SLC36A4: variants seen among roughly 807,000 people sequenced by gnomAD.
SLC36A4 encodes solute carrier family 36 member 4.
Under a neutral mutation model 50.5 loss-of-function variants are expected in SLC36A4, and 49 were observed. The ratio of observed to expected loss-of-function variants is 0.97; its 90% confidence interval spans 0.77 to 1.23. The LOEUF is 1.23. Ranked by LOEUF, SLC36A4 falls within the 50% of genes most tolerant of loss-of-function variation. SLC36A4 has a pLI of 0.00. For synonymous variants in SLC36A4, 207 were observed against 206.5 expected, an observed-to-expected ratio of 1.00 and a Z score of -0.02; for missense variants, 611 against 608.4, an observed-to-expected ratio of 1.00 and a Z score of -0.05.
intron 10 of SLC36A4, 63 bp from the exon 11 acceptor site, chr11:93,148,907 C>T: frequency 7.3e-7 from 1 of 1,377,808 alleles, no homozygotes; most frequent in Non-Finnish European, 1.0e-6. Context: ...TGAATATTAA[C>T]AGTAAGTATT....
intron 7 of SLC36A4, chr11:93,167,286 T>C (rs1860915454): frequency 6.6e-6 from 1 of 152,140 alleles, no homozygotes; most frequent in African/African-American, 2.4e-5. Flanking sequence ...TCAACCTTTT[T>C]TGTGTCTTTG....
chr11:93,158,355 C>A (rs1366075185), intron 9 of SLC36A4, among the ~76,000 whole-genome samples: 1 of 151,956 alleles, frequency 6.6e-6, no homozygotes, highest in Non-Finnish European at 1.5e-5. Context: ...ATATATTTAA[C>A]ATTTTTTAAA....
intron 8 of SLC36A4, among the ~76,000 whole-genome samples, chr11:93,164,563 C>T (rs1024219268): frequency 3.9e-4 from 60 of 152,004 alleles, no homozygotes; most frequent in African/African-American, 1.4e-3. Flanking sequence ...TCAGTCAGTT[C>T]CATATGGAAA....
At chr11:93,188,313 C>T (rs1862075846) in intron 1 of SLC36A4, among the ~76,000 whole-genome samples, 1 of 152,196 alleles carries the variant, frequency 6.6e-6, no homozygotes, top group Non-Finnish European at 1.5e-5. Flanking sequence ...TCAGCATATT[C>T]ATTCTTAATA....
At chr11:93,174,528 T>C (rs1861355840) in intron 6 of SLC36A4, among the ~76,000 whole-genome samples, 2 of 149,086 alleles carry the variant, frequency 1.3e-5, no homozygotes, top group Non-Finnish European at 3.0e-5. Flanking sequence ...CTTGTGCCAG[T>C]TTTCAAAGGG....
chr11:93,186,652 T>C (rs1386927514), intron 1 of SLC36A4, among the ~76,000 whole-genome samples: 2 of 152,244 alleles, frequency 1.3e-5, no homozygotes, highest in Non-Finnish European at 2.9e-5. Context: ...TGTTTAGTTG[T>C]ATTCTTTCTA....
Position 93,181,369 on chromosome 11 carries a change from C to T in SLC36A4, c.455+322G>A, listed in dbSNP as rs77180124. 9.7e-3 allele frequency among the ~76,000 whole-genome samples: 1,470 copies of T among 152,070 alleles called. 16 individuals carry two copies. The highest frequency in any genetic ancestry group is 0.037 in the South Asian group (176 of 4,818). On this transcript the variant is annotated intron_variant, in intron 5 of 10. Coordinates refer to ENST00000326402, the MANE Select transcript of SLC36A4 (RefSeq NM_152313.4). ...CCTTTATTTAAAAAATTAATGAACA[C>T]GATTATGTCATCATTTGACCAGGTC...
intron 6 of SLC36A4, chr11:93,180,093 A>C: frequency 4.2e-6 from 4 of 951,872 alleles, no homozygotes; most frequent in Non-Finnish European, 5.0e-6. Flanking sequence ...TGTTTACTGT[A>C]CCATGGACAT....
At chr11:93,160,465 T>A in intron 9 of SLC36A4, 1 of 985,360 alleles carries the variant, frequency 1.0e-6, no homozygotes, top group Non-Finnish European at 1.2e-6. Flanking sequence ...TCCATTCTAA[T>A]TGGAAAGTCA....
chr11:93,171,691 C>A (rs1861142292), intron 6 of SLC36A4: 1 of 151,940 alleles, frequency 6.6e-6, no homozygotes, highest in Non-Finnish European at 1.5e-5. Flanking sequence ...TGTTACACGA[C>A]CCTAGAAAGG....
intron 6 of SLC36A4, among the ~76,000 whole-genome samples, chr11:93,172,365 CA>C (rs1425150027): frequency 3.3e-5 from 5 of 151,916 alleles, no homozygotes; most frequent in Non-Finnish European, 5.9e-5. Context: ...AAGCAGTATA[CA>C]CTGCACCATA....
chr11:93,179,381 G>A (rs1011912451), intron 6 of SLC36A4, among the ~76,000 whole-genome samples: 4 of 152,072 alleles, frequency 2.6e-5, no homozygotes, highest in Non-Finnish European at 5.9e-5. Flanking sequence ...AAAATAACTT[G>A]TAGATTAACT....
intron 9 of SLC36A4, among the ~76,000 whole-genome samples, chr11:93,159,401 A>C (rs891188427): frequency 2.0e-5 from 3 of 152,164 alleles, no homozygotes; most frequent in Non-Finnish European, 4.4e-5. Context: ...TTAAAAACCA[A>C]CTTGGGAAAT....
chr11:93,160,050 C>T (rs1196933151), intron 9 of SLC36A4: 1 of 985,306 alleles, frequency 1.0e-6, no homozygotes, highest in Non-Finnish European at 1.2e-6. Context: ...AAGAGAGACT[C>T]GTATATAGTA....
rs1242412906 is a variant in SLC36A4, at chr11:93,181,693, C to T, written c.453G>A (p.Gly151=). Residue 151 remains glycine (G), a splice_region_variant and synonymous_variant, in exon 5 of 11, where the codon GGG becomes GGA. Transcript: ENST00000326402. ...WSCLQKQAAW[G]RSVVDFFLVI... ...TTAATAACAGAGTAAGTACTTACCG[C>T]CCCCATGCTGCTTGCTTCTGAAGAC... 1.3e-6 allele frequency: 2 copies of T among 1,527,342 alleles called. No homozygotes were observed. The highest frequency in any genetic ancestry group is 1.8e-6 in the Non-Finnish European group (2 of 1,132,504). The allele number at this position is 1,527,342 out of a possible 1,614,324, so 94.6% of individuals were successfully genotyped here.
At position 93,197,917 on chromosome 11, in the gene SLC36A4, C is replaced by A; in HGVS notation, c.-85G>T. 1 of 1,358,694 alleles carries A rather than the reference C, an allele frequency of 7.4e-7. No homozygotes were observed. The highest frequency in any genetic ancestry group is 9.6e-7 in the Non-Finnish European group (1 of 1,041,402). The allele number at this position is 1,358,694 out of a possible 1,614,324, so 84.2% of individuals were successfully genotyped here. On this transcript the variant is annotated 5_prime_UTR_variant, in exon 1 of 11. Coordinates refer to ENST00000326402, the MANE Select transcript of SLC36A4 (RefSeq NM_152313.4). ...CGGCGTCAGGCCCAGGCCTACCTCC[C>A]CTGCCCGGAGGGACCCGCGCCTGGT...
intron 9 of SLC36A4, among the ~76,000 whole-genome samples, chr11:93,157,888 C>T (rs1003813525): frequency 6.6e-6 from 1 of 152,062 alleles, no homozygotes; most frequent in African/African-American, 2.4e-5. Flanking sequence ...ATTGCTCTGG[C>T]CAGGACTTCC....
chr11:93,186,028 A>G (rs911074125), intron 1 of SLC36A4, among the ~76,000 whole-genome samples: 2 of 152,236 alleles, frequency 1.3e-5, no homozygotes, highest in African/African-American at 4.8e-5. Context: ...TATGCAGTGC[A>G]AGGTGAAAGC....
chr11:93,192,870 G>T (rs1862271071), intron 1 of SLC36A4, among the ~76,000 whole-genome samples: 1 of 151,908 alleles, frequency 6.6e-6, no homozygotes. Context: ...TTTCTCATAT[G>T]TACAATGAAA....
Sources: gnomAD v4.1 joint callset for allele counts (sites outside exome capture counted in the v4.1 genomes callset) on GRCh38, gnomAD v4.1.1 for gene constraint, MANE v1.5 for transcripts, NCBI Gene and HGNC (gene_info 2026-07-23, HGNC 2026-07-21) for gene names.